Variants in STK39 observed in about 807,000 individuals in gnomAD.
STK39 encodes the protein STE20/SPS1-related proline-alanine-rich protein kinase.
STK39 carries 20 observed loss-of-function variants against 77.8 expected under a neutral mutation model. The ratio of observed to expected loss-of-function variants is 0.26; its 90% CI spans 0.18 to 0.37. The LOEUF is 0.37. Among genes scored for constraint, STK39 ranks in the 10% least tolerant of loss-of-function variants. STK39 has a pLI of 1.00. For synonymous variants in STK39, 246 were observed against 234.1 expected (o/e 1.05, Z -0.47); for missense variants, 479 against 656.5 (o/e 0.73, Z 2.95).
chr2:168,033,744 C>CCTGTCCTA (rs1256014687), intron 14 of STK39, among the ~76,000 whole-genome samples: 1 of 152,184 alleles, frequency 6.6e-6, no homozygotes, highest in Non-Finnish European at 1.5e-5. Context: ...GCCGACTCAG[C>CCTGTCCTA]CTGTCCTACC....
At chr2:167,999,742 A>G (rs527861041) in intron 16 of STK39, among the ~76,000 whole-genome samples, 32 of 152,282 alleles carry the variant, frequency 2.1e-4, no homozygotes, top group Middle Eastern at 3.4e-3. Flanking sequence ...GATTACAGGC[A>G]TGAACCACTG....
chr2:168,135,789 T>C (rs1387965337), intron 8 of STK39, among the ~76,000 whole-genome samples: 1 of 152,160 alleles, frequency 6.6e-6, no homozygotes, highest in Non-Finnish European at 1.5e-5. Context: ...GAAGGTGATG[T>C]GCCACTAACA....
intron 15 of STK39, among the ~76,000 whole-genome samples, chr2:168,013,948 C>G (rs1684340950): frequency 6.6e-6 from 1 of 152,122 alleles, no homozygotes; most frequent in Non-Finnish European, 1.5e-5. Context: ...AGTAAATACT[C>G]AATAAATGGT....
At chr2:168,040,621 C>T (rs1685078615) in intron 14 of STK39, among the ~76,000 whole-genome samples, 1 of 152,176 alleles carries the variant, frequency 6.6e-6, no homozygotes, top group Admixed American at 6.5e-5. Context: ...CAGATTTCTT[C>T]ACCTAGAATT....
chr2:168,246,536 G>A (rs892542787), intron 1 of STK39, among the ~76,000 whole-genome samples: 6 of 152,234 alleles, frequency 3.9e-5, no homozygotes, highest in Admixed American at 3.9e-4. Context: ...GCTTTCCCCG[G>A]GGAGCCGGAC....
chr2:168,192,516 G>C (rs373851421), intron 1 of STK39, among the ~76,000 whole-genome samples: 1 of 151,898 alleles, frequency 6.6e-6, no homozygotes. Context: ...TCCAAACCCC[G>C]CCCCATTCCA....
chr2:168,070,443 CTT>C lies in STK39; in HGVS notation c.1242+4537_1242+4538del, dbSNP rs542248785. 9.4e-3 allele frequency among the ~76,000 whole-genome samples: 1,317 copies of C among 140,646 alleles called. 17 individuals carry two copies. Among genetic ancestry groups the C allele is most frequent in the African/African-American group, 0.032 (1,251 of 38,800 alleles). The allele number at this position is 140,646 out of a possible 152,430, so 92.3% of individuals were successfully genotyped here. On this transcript the variant is annotated intron_variant, in intron 12 of 17. Coordinates refer to ENST00000355999, the MANE Select transcript of STK39 (RefSeq NM_013233.3). The stretch of plus-strand genomic sequence containing the variant: ...GTGGGTGACTAATACTTCGATATTT[CTT>C]TTTTTTTTTTTTAATTATACTTTAA...
At chr2:167,956,285 A>G (rs1223880190) in intron 17 of STK39, among the ~76,000 whole-genome samples, 1 of 152,230 alleles carries the variant, frequency 6.6e-6, no homozygotes, top group Non-Finnish European at 1.5e-5. Flanking sequence ...TTGGCCAGGC[A>G]TGGCGGCTCA....
intron 16 of STK39, among the ~76,000 whole-genome samples, chr2:168,002,692 A>G (rs1684031372): frequency 6.6e-6 from 1 of 152,226 alleles, no homozygotes; most frequent in African/African-American, 2.4e-5. Context: ...TATTCTGTCA[A>G]AGCAAGAATT....
intron 14 of STK39, among the ~76,000 whole-genome samples, chr2:168,062,643 G>GGCT (rs1422511701): frequency 2.0e-5 from 3 of 152,128 alleles, no homozygotes; most frequent in Non-Finnish European, 4.4e-5. Context: ...ACTTTTTGTA[G>GGCT]CTACAACTCT....
intron 16 of STK39, among the ~76,000 whole-genome samples, chr2:167,988,909 T>TG (rs1392627507): frequency 7.2e-5 from 11 of 152,140 alleles, no homozygotes; most frequent in Non-Finnish European, 1.6e-4. Flanking sequence ...GCAACAATGA[T>TG]AGATCGAGAG....
chr2:168,163,465 T>C (rs1023135473), intron 4 of STK39, among the ~76,000 whole-genome samples: 2 of 152,228 alleles, frequency 1.3e-5, no homozygotes, highest in African/African-American at 4.8e-5. Context: ...AGGATACCAA[T>C]ATAATTCATC....
intron 16 of STK39, among the ~76,000 whole-genome samples, chr2:167,970,182 A>G (rs969140922): frequency 4.6e-5 from 7 of 152,112 alleles, no homozygotes; most frequent in African/African-American, 1.7e-4. Flanking sequence ...GTTACCCAGA[A>G]TTCTTCTTTC....
At chr2:168,079,394 A>T (rs534508451) in intron 10 of STK39, among the ~76,000 whole-genome samples, 67 of 152,332 alleles carry the variant, frequency 4.4e-4, no homozygotes, top group Non-Finnish European at 7.8e-4. Flanking sequence ...CCCTGGCCAG[A>T]TGAACCTTCC....
chr2:168,061,858 G>T (rs1219166956), intron 14 of STK39, among the ~76,000 whole-genome samples: 2 of 152,116 alleles, frequency 1.3e-5, no homozygotes, highest in Non-Finnish European at 2.9e-5. Flanking sequence ...TAAAGTTAAG[G>T]TTCAGTAGTA....
At chr2:168,071,920 A>G (rs903392507) in intron 12 of STK39, among the ~76,000 whole-genome samples, 9 of 152,120 alleles carry the variant, frequency 5.9e-5, no homozygotes, top group Non-Finnish European at 1.2e-4. Flanking sequence ...AACAATCACA[A>G]TTCTAAGTAC....
chr2:168,028,812 A>G (rs1684765387), intron 14 of STK39, among the ~76,000 whole-genome samples: 1 of 152,206 alleles, frequency 6.6e-6, no homozygotes, highest in Non-Finnish European at 1.5e-5. Context: ...TCCCAAACCA[A>G]CACGCTAAGT....
chr2:168,009,539 C>T (rs577728178), intron 16 of STK39, among the ~76,000 whole-genome samples: 130 of 152,298 alleles, frequency 8.5e-4, no homozygotes, highest in Non-Finnish European at 1.5e-3. Context: ...AGGAACATTA[C>T]CAGTTGCAAC....
chr2:168,145,962 TC>T (rs1688127074), intron 5 of STK39, among the ~76,000 whole-genome samples: 1 of 152,194 alleles, frequency 6.6e-6, no homozygotes, highest in Non-Finnish European at 1.5e-5. Flanking sequence ...AAATAAAGGT[TC>T]TTAGCACCAG....
Sources: allele counts gnomAD v4.1 joint callset (sites outside exome capture counted in the v4.1 genomes callset), GRCh38; gene constraint gnomAD v4.1.1; transcripts MANE v1.5; gene names NCBI Gene and HGNC (gene_info 2026-07-23, HGNC 2026-07-21).